Variants in ROBO1 observed in about 807,000 individuals in gnomAD.
ROBO1 encodes the protein roundabout homolog 1.
ROBO1 carries 149 observed loss-of-function variants against 195.9 expected under a neutral mutation model. That is an observed-to-expected ratio of 0.76 (90% CI 0.67 to 0.87). ROBO1 has a LOEUF of 0.87. ROBO1 is among the 40% of genes least tolerant of loss of function. The pLI, the probability that ROBO1 is intolerant of heterozygous loss-of-function variation, is 0.00. For missense variants in ROBO1, 1,933 were observed against 2,068.3 expected, an observed-to-expected ratio of 0.93 and a Z score of 1.27; for synonymous variants, 816 against 733.2, an observed-to-expected ratio of 1.11 and a Z score of -1.82.
intron 3 of ROBO1, among the ~76,000 whole-genome samples, chr3:78,940,589 G>A (rs1482582464): frequency 1.3e-5 from 2 of 152,096 alleles, no homozygotes; most frequent in African/African-American, 4.8e-5. Context: ...ACAGGGCCTG[G>A]GCTTGAAGTA....
chr3:78,799,407 T>C (rs2084288436), intron 4 of ROBO1, among the ~76,000 whole-genome samples: 1 of 152,130 alleles, frequency 6.6e-6, no homozygotes, highest in Non-Finnish European at 1.5e-5. Flanking sequence ...AGTGGCACAA[T>C]CTCGGCTCAC....
intron 2 of ROBO1, among the ~76,000 whole-genome samples, chr3:79,337,894 C>A (rs985032493): frequency 2.6e-5 from 4 of 152,044 alleles, no homozygotes; most frequent in African/African-American, 9.7e-5. Context: ...AACACTAAAA[C>A]TTTTTAAACA....
chr3:78,679,405 A>T (rs1434504761), intron 10 of ROBO1, among the ~76,000 whole-genome samples: 3 of 152,220 alleles, frequency 2.0e-5, no homozygotes, highest in African/African-American at 7.2e-5. Context: ...TGCAGATGAC[A>T]TGATTGTATA....
chr3:79,469,429 TA>T (rs1938147855), intron 2 of ROBO1, among the ~76,000 whole-genome samples: 1 of 152,058 alleles, frequency 6.6e-6, no homozygotes, highest in African/African-American at 2.4e-5. Flanking sequence ...AAACAAAACT[TA>T]AAAGGAGGGA....
intron 4 of ROBO1, among the ~76,000 whole-genome samples, chr3:78,790,680 T>C (rs563331489): frequency 2.6e-5 from 4 of 152,282 alleles, no homozygotes; most frequent in Non-Finnish European, 5.9e-5. Context: ...AAGAAAAAGG[T>C]ATTATCTCAT....
At chr3:79,328,972 T>C (rs1330970120) in intron 2 of ROBO1, among the ~76,000 whole-genome samples, 1 of 152,194 alleles carries the variant, frequency 6.6e-6, no homozygotes, top group Non-Finnish European at 1.5e-5. Flanking sequence ...TCTGGATTTC[T>C]AAGGATAGAA....
intron 2 of ROBO1, among the ~76,000 whole-genome samples, chr3:79,248,727 TAGAA>T (rs2082670309): frequency 6.6e-6 from 1 of 152,096 alleles, no homozygotes; most frequent in Non-Finnish European, 1.5e-5. Context: ...AAAGAGGTGA[TAGAA>T]TAGAGTAACA....
In ROBO1 at chr3:79,157,854, A is replaced by G. The variant is rs1476375645; in HGVS notation, c.89-32315T>C. On this transcript the variant is annotated intron_variant, in intron 2 of 30. Transcript: ENST00000464233. ...TTTACTTTTGAAAGACAGGAAGTAC[A>G]TGGAAGCACATTCTCTAAATTTAAT... is the stretch of plus-strand genomic sequence containing the variant. 2.6e-5 allele frequency among the ~76,000 whole-genome samples: 4 copies of G among 151,918 alleles called. No homozygotes were observed. The East Asian group carries it at 7.8e-4, about 29-fold the overall frequency.
At chr3:78,673,836 G>A (rs1708241877) in intron 10 of ROBO1, among the ~76,000 whole-genome samples, 1 of 151,412 alleles carries the variant, frequency 6.6e-6, no homozygotes, top group South Asian at 2.1e-4. Context: ...CGTACAAAAA[G>A]TCACATTATA....
chr3:79,097,896 T>C (rs1200774834), intron 3 of ROBO1, among the ~76,000 whole-genome samples: 1 of 151,610 alleles, frequency 6.6e-6, no homozygotes, highest in Admixed American at 6.6e-5. Flanking sequence ...AAAGAATAGT[T>C]CTAATCTCCT....
At chr3:79,708,673 G>T (rs774953319) in intron 1 of ROBO1, among the ~76,000 whole-genome samples, 7 of 152,146 alleles carry the variant, frequency 4.6e-5, no homozygotes, top group Non-Finnish European at 1.0e-4. Flanking sequence ...GACCACCCTG[G>T]TCAACAGAGT....
At chr3:79,164,891 C>T (rs2081035345) in intron 2 of ROBO1, among the ~76,000 whole-genome samples, 1 of 152,108 alleles carries the variant, frequency 6.6e-6, no homozygotes, top group South Asian at 2.1e-4. Flanking sequence ...TTATTGAATC[C>T]TCTGCATTTT....
At chr3:79,129,661 G>C (rs951811610) in intron 2 of ROBO1, among the ~76,000 whole-genome samples, 11 of 152,160 alleles carry the variant, frequency 7.2e-5, no homozygotes, top group African/African-American at 2.6e-4. Context: ...AGTACAACAT[G>C]ATGTTTTGAA....
intron 26 of ROBO1, among the ~76,000 whole-genome samples, chr3:78,619,827 G>A (rs1465823987): frequency 6.6e-6 from 1 of 151,844 alleles, no homozygotes; most frequent in African/African-American, 2.4e-5. Flanking sequence ...AGACCAGCCT[G>A]GCCAACACGA....
chr3:79,378,830 C>T (rs529662600), intron 2 of ROBO1, among the ~76,000 whole-genome samples: 3 of 152,282 alleles, frequency 2.0e-5, no homozygotes, highest in South Asian at 2.1e-4. Context: ...TACAAGACAA[C>T]GAAAGAGCAA....
chr3:79,469,522 T>G (rs1938151865), intron 2 of ROBO1, among the ~76,000 whole-genome samples: 1 of 152,300 alleles, frequency 6.6e-6, no homozygotes, highest in East Asian at 1.9e-4. Context: ...ACAACATTCA[T>G]GTATATTATG....
intron 4 of ROBO1, among the ~76,000 whole-genome samples, chr3:78,838,824 A>C (rs1023325805): frequency 3.3e-5 from 5 of 152,150 alleles, no homozygotes; most frequent in African/African-American, 4.8e-5. Flanking sequence ...GCTCAAAAAG[A>C]TATGGCCAAA....
chr3:78,772,989 T>A (rs1311583433), intron 4 of ROBO1, among the ~76,000 whole-genome samples: 1 of 152,092 alleles, frequency 6.6e-6, no homozygotes, highest in Non-Finnish European at 1.5e-5. Context: ...ATTAGATATT[T>A]TGAAAGTACA....
chr3:79,530,208 A>G (rs1420970130), intron 2 of ROBO1, among the ~76,000 whole-genome samples: 1 of 152,164 alleles, frequency 6.6e-6, no homozygotes, highest in African/African-American at 2.4e-5. Flanking sequence ...ATTACATTTT[A>G]TTTCTGCCAA....
Sources: gnomAD v4.1 joint callset for allele counts (sites outside exome capture counted in the v4.1 genomes callset) on GRCh38, gnomAD v4.1.1 for gene constraint, MANE v1.5 for transcripts, NCBI Gene and HGNC (gene_info 2026-07-23, HGNC 2026-07-21) for gene names.